Variants in GFRA2 observed in about 807,000 individuals in gnomAD.
GFRA2 encodes the protein GDNF family receptor alpha 2.
A neutral mutation model predicts 48.3 loss-of-function variants in GFRA2; 17 were observed. The observed-to-expected ratio is 0.35, with a 90% CI of 0.24 to 0.53. The LOEUF is 0.53. Among genes scored for constraint, GFRA2 ranks in the 20% least tolerant of loss-of-function variants. The pLI, the probability that GFRA2 is intolerant of heterozygous loss-of-function variation, is 0.93. For synonymous variants in GFRA2, 305 were observed against 257.2 expected, an observed-to-expected ratio of 1.19 and a Z score of -1.78; for missense variants, 660 against 637.3, an observed-to-expected ratio of 1.04 and a Z score of -0.38.
intron 4 of GFRA2, among the ~76,000 whole-genome samples, chr8:21,725,307 C>A (rs1803810913): frequency 1.3e-5 from 2 of 152,224 alleles, no homozygotes; most frequent in Admixed American, 6.5e-5. Context: ...AAGCAATCGG[C>A]AGCTGTGGTC....
rs538487473 is a variant in GFRA2 at position 21,812,172 on chromosome 8, C to T, written c.-148+59G>A. Reference sequence around the variant, plus strand: ...CTGAACAAAGCAGGCAGTCCTGGGACAGAAATGGCCCAGGACAAAGGGAAC... The same window carrying T: ...CTGAACAAAGCAGGCAGTCCTGGGATAGAAATGGCCCAGGACAAAGGGAAC... On this transcript the variant is annotated intron_variant, in intron 1 of 10. Coordinates refer to the GFRA2 transcript ENST00000517328. The T allele has an allele frequency of 2.6e-5, 4 of 152,366 alleles. No individual in the cohort carries two copies. The East Asian group carries it at 7.7e-4, about 29-fold the overall frequency. 9.4% of individuals were successfully genotyped at this position (152,366 alleles called of 1,614,324 possible).
chr8:21,794,879 C>T (rs1807640405), intron 2 of GFRA2, among the ~76,000 whole-genome samples: 1 of 152,188 alleles, frequency 6.6e-6, no homozygotes, highest in Admixed American at 6.5e-5. Context: ...GCTGCTGGGG[C>T]AGGCTGGGTG....
intron 4 of GFRA2, among the ~76,000 whole-genome samples, chr8:21,720,122 C>T (rs541655277): frequency 6.7e-5 from 10 of 148,300 alleles, no homozygotes; most frequent in Admixed American, 4.1e-4. Flanking sequence ...CATATTGTTA[C>T]AAAGATTCAG....
chr8:21,700,853 G>T (rs1802438810), intron 7 of GFRA2, among the ~76,000 whole-genome samples: 1 of 152,082 alleles, frequency 6.6e-6, no homozygotes, highest in Non-Finnish European at 1.5e-5. Context: ...TCAGCTCTCT[G>T]TCCCTGTGAT....
At chr8:21,789,518 G>A (rs1033014539), upstream of GFRA2, among the ~76,000 whole-genome samples, 58 of 152,216 alleles carry the variant, frequency 3.8e-4, no homozygotes, top group Middle Eastern at 3.4e-3. Context: ...ACCCTCCGTG[G>A]GCTAAGGCGT....
At chr8:21,767,973 A>G (rs545338883) in intron 3 of GFRA2, among the ~76,000 whole-genome samples, 25 of 152,242 alleles carry the variant, frequency 1.6e-4, no homozygotes, top group Non-Finnish European at 2.4e-4. Flanking sequence ...AGAGAGAGAG[A>G]GAGCAGATGA....
intron 7 of GFRA2, among the ~76,000 whole-genome samples, chr8:21,702,099 T>A (rs973800289): frequency 3.3e-5 from 5 of 152,158 alleles, no homozygotes; most frequent in African/African-American, 1.2e-4. Flanking sequence ...ATTGAGCAGT[T>A]GTCTGCAGAG....
intron 8 of GFRA2, among the ~76,000 whole-genome samples, chr8:21,693,740 TGAA>T (rs1441523333): frequency 9.6e-4 from 4 of 4,152 alleles, no homozygotes; most frequent in African/African-American, 5.1e-3. Context: ...TATAAAGAGC[TGAA>T]GAAGGAGGAG....
intron 7 of GFRA2, among the ~76,000 whole-genome samples, chr8:21,700,959 C>A (rs191679798): frequency 6.6e-6 from 1 of 152,122 alleles, no homozygotes; most frequent in Non-Finnish European, 1.5e-5. Flanking sequence ...ATGGTCCAAG[C>A]TAGGGGAGCT....
At chr8:21,760,437 G>A (rs564727445) in intron 3 of GFRA2, among the ~76,000 whole-genome samples, 1 of 152,308 alleles carries the variant, frequency 6.6e-6, no homozygotes, top group East Asian at 1.9e-4. Context: ...AGGATTGCTT[G>A]CATTTTGAGT....
intron 4 of GFRA2, among the ~76,000 whole-genome samples, chr8:21,740,374 C>T (rs1804691262): frequency 6.6e-6 from 1 of 152,156 alleles, no homozygotes; most frequent in African/African-American, 2.4e-5. Flanking sequence ...GCCAACATTT[C>T]TCTAGCCCCG....
intron 4 of GFRA2, among the ~76,000 whole-genome samples, chr8:21,710,830 C>A (rs945603512): frequency 1.3e-5 from 2 of 152,208 alleles, no homozygotes; most frequent in Non-Finnish European, 2.9e-5. Flanking sequence ...TCCTCCATTG[C>A]GCCATCCTCA....
intron 2 of GFRA2, chr8:21,780,870 C>T (rs1175875159): frequency 6.6e-6 from 1 of 152,152 alleles, no homozygotes; most frequent in African/African-American, 2.4e-5. Context: ...ACCTGTAAGC[C>T]CAGAACTTTG....
At chr8:21,769,736 T>C (rs7814201) in intron 3 of GFRA2, among the ~76,000 whole-genome samples, 78,579 of 151,752 alleles carry the variant, frequency 0.52, 23,305 homozygotes, top group African/African-American at 0.82. Flanking sequence ...ACACATGCCC[T>C]CAATACGTGG....
chr8:21,738,570 G>A (rs930851443), intron 4 of GFRA2, among the ~76,000 whole-genome samples: 8 of 152,138 alleles, frequency 5.3e-5, no homozygotes, highest in Admixed American at 1.3e-4. Context: ...ACCGTCTTCT[G>A]GGGAAAATCA....
At chr8:21,784,371 C>A in intron 1 of GFRA2, 1 of 456,070 alleles carries the variant, frequency 2.2e-6, no homozygotes, top group Admixed American at 2.3e-5. Flanking sequence ...GAGGCTTCCT[C>A]GACTCCATCT....
In GFRA2 at chr8:21,694,450, T is replaced by G. The variant is rs1802055758; in HGVS notation, c.1272+14A>C. 6.2e-7 allele frequency: 1 copy of G among 1,610,558 alleles called. No homozygotes were observed. The highest frequency in any genetic ancestry group is 1.3e-5 in the African/African-American group (1 of 74,848). Reference sequence around the variant, plus strand: ...CAGCCTTCTGCACCCATCCCCACTCTGCCCCCAACTCACCTCTGTGAAGCA... The same window carrying G: ...CAGCCTTCTGCACCCATCCCCACTCGGCCCCCAACTCACCTCTGTGAAGCA... On this transcript the variant is annotated intron_variant, in intron 8 of 8. Coordinates refer to ENST00000524240, the MANE Select transcript of GFRA2 (RefSeq NM_001495.5).
At chr8:21,801,843 C>A (rs1309107183) in intron 2 of GFRA2, among the ~76,000 whole-genome samples, 1 of 152,200 alleles carries the variant, frequency 6.6e-6, no homozygotes. Context: ...ACTGTCCACG[C>A]CCAGTGCTCC....
Position 21,797,287 on chromosome 8 carries a change from C to CTTTTTTTTTTTTTTTTTTTT in GFRA2, c.-36+7710_-36+7729dup, listed in dbSNP as rs1159867192. Among the ~76,000 whole-genome samples, 15 of 85,640 alleles carry CTTTTTTTTTTTTTTTTTTTT rather than the reference C, an allele frequency of 1.8e-4. 1 individual carries two copies. The highest frequency in any genetic ancestry group is 4.1e-4 in the East Asian group (1 of 2,430). The allele number at this position is 85,640 out of a possible 152,430, so 56.2% of individuals were successfully genotyped here. A position where few individuals can be genotyped will look rare whatever the true frequency, so the allele number is the denominator to read the frequency against. ...TCTTTCTTTTTTTTTCCTTTCTTTG[C>CTTTTTTTTTTTTTTTTTTTT]TTTTTTTTTTTTTTTTTTTTTTTGA... On this transcript the variant is annotated intron_variant, in intron 2 of 10. Coordinates refer to the GFRA2 transcript ENST00000517328.
Sources: gnomAD v4.1 joint callset for allele counts (sites outside exome capture counted in the v4.1 genomes callset) on GRCh38, gnomAD v4.1.1 for gene constraint, MANE v1.5 for transcripts, NCBI Gene and HGNC (gene_info 2026-07-23, HGNC 2026-07-21) for gene names.